The following KCNIP4 variants were observed in gnomAD, a reference collection of about 807,000 sequenced individuals.
KCNIP4 encodes the protein Kv channel-interacting protein 4.
A neutral mutation model predicts 34.0 loss-of-function variants in KCNIP4; 12 were observed. The ratio of observed to expected loss-of-function variants is 0.35; its 90% CI spans 0.23 to 0.57. The LOEUF (loss-of-function observed/expected upper bound fraction) is 0.57, where lower values mean the gene tolerates loss of function less well. Among genes scored for constraint, KCNIP4 ranks in the 20% least tolerant of loss-of-function variants. The pLI, the probability that KCNIP4 is intolerant of heterozygous loss-of-function variation, is 0.83. For synonymous variants in KCNIP4, 124 were observed against 102.2 expected (o/e 1.21, Z -1.29); for missense variants, 238 against 311.7 (o/e 0.76, Z 1.78).
At chr4:21,283,184 G>T (rs1762888644) in intron 1 of KCNIP4, among the ~76,000 whole-genome samples, 1 of 152,170 alleles carries the variant, frequency 6.6e-6, no homozygotes, top group Non-Finnish European at 1.5e-5. Context: ...GGGAGTGGAG[G>T]TTAACTGTAA....
intron 1 of KCNIP4, among the ~76,000 whole-genome samples, chr4:21,014,678 T>C (rs957223578): frequency 7.2e-5 from 11 of 152,180 alleles, no homozygotes; most frequent in African/African-American, 2.7e-4. Flanking sequence ...AAATGTAAAG[T>C]GGTGCAACTG....
chr4:20,871,476 T>A (rs1028038360), intron 2 of KCNIP4, among the ~76,000 whole-genome samples: 2 of 151,572 alleles, frequency 1.3e-5, no homozygotes, highest in African/African-American at 4.9e-5. Context: ...AAAAAAAAAT[T>A]AAAAGGGCCA....
intron 1 of KCNIP4, among the ~76,000 whole-genome samples, chr4:21,024,711 C>T (rs576556104): frequency 1.4e-4 from 22 of 152,308 alleles, no homozygotes; most frequent in African/African-American, 5.1e-4. Context: ...TTCAAAATTT[C>T]AACTCCGCCC....
chr4:20,882,539 A>C, intron 2 of KCNIP4, 69 bp downstream of exon 2: 930 of 910,162 alleles, frequency 1.0e-3, no homozygotes, highest in Non-Finnish European at 1.5e-3. Context: ...GAGAACGGCA[A>C]TGCATGCAGG....
At chr4:21,222,045 A>G (rs1229768572) in intron 1 of KCNIP4, among the ~76,000 whole-genome samples, 1 of 152,176 alleles carries the variant, frequency 6.6e-6, no homozygotes, top group Non-Finnish European at 1.5e-5. Context: ...TCTTTTTTCT[A>G]GAGTCAGTTC....
Position 21,879,231 on chromosome 4 carries a change from C to A in KCNIP4, c.61+69340G>T, listed in dbSNP as rs570293875. On this transcript the variant is annotated intron_variant, in intron 1 of 8. Coordinates refer to ENST00000382152, the MANE Select transcript of KCNIP4 (RefSeq NM_025221.6). ...TAGAGAGGTCTGAAAAGCTTAGATC[C>A]TTGTCATAAGGCAAAAAAGTTTCTA... 9.9e-5 allele frequency among the ~76,000 whole-genome samples: 15 copies of A among 152,270 alleles called. No individual in the cohort carries two copies. In the South Asian group the frequency reaches 2.7e-3, roughly 27 times the overall value.
intron 1 of KCNIP4, among the ~76,000 whole-genome samples, chr4:21,585,925 A>G (rs1226010852): frequency 6.6e-6 from 1 of 152,086 alleles, no homozygotes; most frequent in East Asian, 1.9e-4. Context: ...AAGAATACTC[A>G]TTGATAAAAT....
At chr4:21,534,693 C>A (rs932240008) in intron 1 of KCNIP4, among the ~76,000 whole-genome samples, 2 of 152,096 alleles carry the variant, frequency 1.3e-5, no homozygotes, top group Admixed American at 1.3e-4. Flanking sequence ...TGAGGGGCTG[C>A]TGAATGACTG....
At chr4:21,516,423 T>A (rs1191248557) in intron 1 of KCNIP4, among the ~76,000 whole-genome samples, 1 of 152,110 alleles carries the variant, frequency 6.6e-6, no homozygotes, top group Non-Finnish European at 1.5e-5. Flanking sequence ...TTTCACCCAC[T>A]GAAAACTAAT....
intron 1 of KCNIP4, among the ~76,000 whole-genome samples, chr4:21,583,157 TA>T (rs200023451): frequency 0.065 from 9,898 of 151,936 alleles, 472 homozygotes; most frequent in African/African-American, 0.13. Context: ...TCCATCATCT[TA>T]AAAAAATGGA....
intron 1 of KCNIP4, among the ~76,000 whole-genome samples, chr4:20,897,486 T>C (rs1369364853): frequency 6.6e-6 from 1 of 152,158 alleles, no homozygotes; most frequent in African/African-American, 2.4e-5. Flanking sequence ...GCTAATGTTA[T>C]AGCCTAAATT....
At chr4:21,482,924 G>A (rs1486967847) in intron 1 of KCNIP4, among the ~76,000 whole-genome samples, 2 of 151,996 alleles carry the variant, frequency 1.3e-5, no homozygotes, top group Non-Finnish European at 2.9e-5. Flanking sequence ...AAAATGATGA[G>A]TTCATGTCCT....
At chr4:21,025,721 T>A (rs1450679443) in intron 1 of KCNIP4, among the ~76,000 whole-genome samples, 1 of 151,442 alleles carries the variant, frequency 6.6e-6, no homozygotes, top group East Asian at 2.0e-4. Context: ...GCCCGGCTAA[T>A]TTTTTTGTAT....
intron 1 of KCNIP4, among the ~76,000 whole-genome samples, chr4:21,345,473 A>T (rs757268082): frequency 6.2e-4 from 95 of 152,202 alleles, no homozygotes; most frequent in Non-Finnish European, 1.2e-3. Flanking sequence ...GATAACTAAT[A>T]TAGCAGGGAA....
chr4:21,426,258 T>G (rs1208342288), intron 1 of KCNIP4, among the ~76,000 whole-genome samples: 4 of 152,176 alleles, frequency 2.6e-5, no homozygotes, highest in Non-Finnish European at 4.4e-5. Context: ...CCAGAGTAGT[T>G]TAGTGACCGT....
At chr4:20,747,278 G>T (rs1752591888) in intron 5 of KCNIP4, among the ~76,000 whole-genome samples, 1 of 152,168 alleles carries the variant, frequency 6.6e-6, no homozygotes, top group South Asian at 2.1e-4. Flanking sequence ...GTAATTTCAA[G>T]TAATGGAGTC....
intron 1 of KCNIP4, among the ~76,000 whole-genome samples, chr4:21,076,486 G>A (rs1560700071): frequency 6.6e-6 from 1 of 152,082 alleles, no homozygotes. Context: ...TTCTTGGCAA[G>A]GAACCAATTT....
At chr4:21,111,261 C>T (rs1460271294) in intron 1 of KCNIP4, among the ~76,000 whole-genome samples, 1 of 151,522 alleles carries the variant, frequency 6.6e-6, no homozygotes, top group Non-Finnish European at 1.5e-5. Context: ...TGATCCTTGG[C>T]TTTGAGTTTC....
chr4:21,692,240 T>C lies in KCNIP4; in HGVS notation c.61+256331A>G, dbSNP rs142546913. Among the ~76,000 whole-genome samples the C allele has an allele frequency of 7.4e-3, 1,127 of 152,308 alleles. 9 individuals carry two copies. The highest frequency in any genetic ancestry group is 0.024 in the African/African-American group (1,015 of 41,564). On this transcript the variant is annotated intron_variant, in intron 1 of 8. Transcript: ENST00000382152. ...ATAGGAAAAAGAACATAATTTGCAA[T>C]GTAATAAAACATTAACATGCAAATT...
Sources: gnomAD v4.1 joint callset for allele counts (sites outside exome capture counted in the v4.1 genomes callset) on GRCh38, gnomAD v4.1.1 for gene constraint, MANE v1.5 for transcripts, NCBI Gene and HGNC (gene_info 2026-07-23, HGNC 2026-07-21) for gene names.